RTN4: variants seen among roughly 807,000 people sequenced by gnomAD.
The protein encoded by RTN4 is reticulon 4, also known as reticulon-4.
In RTN4, 32 loss-of-function variants were observed where a neutral mutation model predicts 90.4. The ratio of observed to expected loss-of-function variants is 0.35; its 90% confidence interval spans 0.27 to 0.48. The LOEUF (loss-of-function observed/expected upper bound fraction) is 0.48, where lower values mean the gene tolerates loss of function less well. RTN4 is among the 20% of genes least tolerant of loss of function. The pLI, the probability that RTN4 is intolerant of heterozygous loss-of-function variation, is 0.99. For synonymous variants in RTN4, 629 were observed against 552.5 expected (o/e 1.14, Z -1.94); for missense variants, 1,706 against 1,430.2 (o/e 1.19, Z -3.11).
At chr2:55,044,083 C>T (rs1379020843) in intron 1 of RTN4, among the ~76,000 whole-genome samples, 2 of 151,654 alleles carry the variant, frequency 1.3e-5, no homozygotes, top group Non-Finnish European at 2.9e-5. Context: ...GTGGTCCCAG[C>T]TAGTTGGGAG....
At chr2:55,031,942 G>A (rs1682345163) in intron 1 of RTN4, among the ~76,000 whole-genome samples, 1 of 152,112 alleles carries the variant, frequency 6.6e-6, no homozygotes, top group African/African-American at 2.4e-5. Flanking sequence ...TTAACTGCCT[G>A]CCAGAACAAA....
chr2:55,037,442 G>C (rs1458118029), intron 1 of RTN4, among the ~76,000 whole-genome samples: 1 of 152,196 alleles, frequency 6.6e-6, no homozygotes, highest in African/African-American at 2.4e-5. Context: ...TGACACAAAA[G>C]ATTTGTTTCC....
At chr2:55,089,479 G>A (rs1237585893) in intron 1 of RTN4, among the ~76,000 whole-genome samples, 1 of 152,120 alleles carries the variant, frequency 6.6e-6, no homozygotes, top group Non-Finnish European at 1.5e-5. Flanking sequence ...GGCACATCCC[G>A]TTTTGGTCAG....
intron 5 of RTN4, among the ~76,000 whole-genome samples, chr2:54,977,859 AAGG>A (rs1677768194): frequency 6.6e-6 from 1 of 152,228 alleles, no homozygotes; most frequent in Non-Finnish European, 1.5e-5. Context: ...AAGAATTTAA[AAGG>A]AGAACTCTGC....
chr2:55,030,845 C>A (rs1682255877), intron 1 of RTN4, among the ~76,000 whole-genome samples: 1 of 152,164 alleles, frequency 6.6e-6, no homozygotes, highest in South Asian at 2.1e-4. Flanking sequence ...AGTTAGTTCT[C>A]CTGAAACAAG....
chr2:55,055,535 A>G (rs1206325007), upstream of RTN4, among the ~76,000 whole-genome samples: 2 of 152,180 alleles, frequency 1.3e-5, no homozygotes, highest in African/African-American at 4.8e-5. Flanking sequence ...TGGGAGGCCA[A>G]GGCAGGCGGA....
intron 1 of RTN4, among the ~76,000 whole-genome samples, chr2:55,090,570 T>C (rs1668918074): frequency 6.6e-6 from 1 of 152,100 alleles, no homozygotes; most frequent in African/African-American, 2.4e-5. Context: ...CTCCCCTCTA[T>C]CCACCTGGAA....
intron 4 of RTN4, among the ~76,000 whole-genome samples, chr2:54,986,353 G>A (rs1446245019): frequency 6.6e-6 from 1 of 152,198 alleles, no homozygotes. Flanking sequence ...GGGCCAGATA[G>A]TTAAGCATTT....
the RTN4 span, among the ~76,000 whole-genome samples, chr2:55,136,451 C>T: frequency 6.6e-6 from 1 of 152,244 alleles, no homozygotes; most frequent in African/African-American, 2.4e-5. Flanking sequence ...GGACTCAAGT[C>T]GCCCGCTTGG....
chr2:55,097,133 G>A (rs112604555), intron 1 of RTN4, among the ~76,000 whole-genome samples: 28 of 151,728 alleles, frequency 1.8e-4, no homozygotes, highest in African/African-American at 6.1e-4. Flanking sequence ...GGCACAGCAC[G>A]AACTAAGGCA....
intron 1 of RTN4, among the ~76,000 whole-genome samples, chr2:55,035,769 T>C (rs1682635279): frequency 6.6e-6 from 1 of 152,042 alleles, no homozygotes; most frequent in Non-Finnish European, 1.5e-5. Flanking sequence ...TTACTGTAGG[T>C]CCTAAAAACG....
chr2:55,075,403 G>A (rs1211560352), intron 2 of RTN4, among the ~76,000 whole-genome samples: 28 of 152,092 alleles, frequency 1.8e-4, no homozygotes, highest in Admixed American at 1.8e-3. Flanking sequence ...AGGCCATTAC[G>A]AGGAAAATTA....
chr2:55,070,122 A>G (rs559308244), intron 2 of RTN4, among the ~76,000 whole-genome samples: 1 of 152,272 alleles, frequency 6.6e-6, no homozygotes, highest in South Asian at 2.1e-4. Context: ...TCAACCTCAG[A>G]ACAATTAAAA....
chr2:55,130,985 C>A, the RTN4 span, among the ~76,000 whole-genome samples: 1 of 152,188 alleles, frequency 6.6e-6, no homozygotes, highest in African/African-American at 2.4e-5. Flanking sequence ...ATGCAAAAGT[C>A]CTGGGCCCCC....
At chr2:54,973,508 T>A (rs1037618892) in intron 8 of RTN4, 55 bp downstream of exon 8, 2 of 1,357,842 alleles carry the variant, frequency 1.5e-6, no homozygotes, top group Non-Finnish European at 2.1e-6. Flanking sequence ...AATACTGTTC[T>A]CACAATCCAG....
chr2:55,030,637 G>GA (rs1682237152), intron 1 of RTN4, among the ~76,000 whole-genome samples: 1 of 152,164 alleles, frequency 6.6e-6, no homozygotes, highest in Non-Finnish European at 1.5e-5. Context: ...AAAGAAAAAA[G>GA]AAGAAACAAC....
intron 1 of RTN4, among the ~76,000 whole-genome samples, chr2:55,039,067 A>G (rs1004902340): frequency 6.6e-6 from 1 of 152,230 alleles, no homozygotes; most frequent in Admixed American, 6.5e-5. Context: ...GAAAGAAATC[A>G]AAACAGTAGT....
At chr2:55,118,176 A>T in the RTN4 span, among the ~76,000 whole-genome samples, 1 of 152,126 alleles carries the variant, frequency 6.6e-6, no homozygotes, top group Non-Finnish European at 1.5e-5. Flanking sequence ...CTTTTAAAAG[A>T]CACCCAGGGC....
At chr2:55,106,457 G>A (rs1350725376) in intron 1 of RTN4, among the ~76,000 whole-genome samples, 1 of 152,084 alleles carries the variant, frequency 6.6e-6, no homozygotes, top group Non-Finnish European at 1.5e-5. Context: ...AGTTGTGAGA[G>A]GAAAGGATAA....
Sources: allele counts gnomAD v4.1 joint callset (sites outside exome capture counted in the v4.1 genomes callset), GRCh38; gene constraint gnomAD v4.1.1; transcripts MANE v1.5; gene names NCBI Gene and HGNC (gene_info 2026-07-23, HGNC 2026-07-21).